HTT: variants seen among roughly 807,000 people sequenced by gnomAD.
HTT encodes huntingtin.
Under a neutral mutation model 362.3 loss-of-function variants are expected in HTT, and 104 were observed. The ratio of observed to expected loss-of-function variants is 0.29; its 90% confidence interval spans 0.24 to 0.34. The LOEUF (loss-of-function observed/expected upper bound fraction) is 0.34. HTT is among the 10% of genes least tolerant of loss of function. The pLI is 1.00. For synonymous variants in HTT, 1,577 were observed against 1,548.7 expected (o/e 1.02, Z -0.43); for missense variants, 3,301 against 3,928.6 (o/e 0.84, Z 4.27).
intron 40 of HTT, among the ~76,000 whole-genome samples, chr4:3,192,515 A>G (rs1719057715): frequency 6.6e-6 from 1 of 152,194 alleles, no homozygotes; most frequent in Non-Finnish European, 1.5e-5. Context: ...ATGGGTGACC[A>G]TAAACCCCTG....
At chr4:3,165,489 A>G (rs1000101527) in intron 29 of HTT, among the ~76,000 whole-genome samples, 1 of 152,070 alleles carries the variant, frequency 6.6e-6, no homozygotes, top group East Asian at 1.9e-4. Context: ...TCTCCTGGAT[A>G]ATATCCTGAA....
At chr4:3,190,395 G>C (rs528027636) in intron 40 of HTT, among the ~76,000 whole-genome samples, 2 of 150,202 alleles carry the variant, frequency 1.3e-5, no homozygotes, top group Admixed American at 1.3e-4. Flanking sequence ...TCCTCCTCCT[G>C]TGTTAAATTT....
At chr4:3,075,610 A>C (rs917259077) in intron 1 of HTT, among the ~76,000 whole-genome samples, 17 of 122,808 alleles carry the variant, frequency 1.4e-4, no homozygotes, top group African/African-American at 4.5e-4. Context: ...AGTGGATGAC[A>C]TAATGCTTTT....
intron 61 of HTT, among the ~76,000 whole-genome samples, chr4:3,234,888 A>G (rs979133874): frequency 3.9e-5 from 6 of 152,196 alleles, no homozygotes; most frequent in Admixed American, 2.0e-4. Context: ...CACAGAAGGC[A>G]GCACGTCATG....
intron 22 of HTT, among the ~76,000 whole-genome samples, chr4:3,141,339 G>A (rs558866498): frequency 1.3e-5 from 2 of 152,170 alleles, no homozygotes; most frequent in South Asian, 4.2e-4. Context: ...ACAAAACTTG[G>A]ACTAAATGAC....
At chr4:3,148,442 A>G (rs1048097546) in intron 26 of HTT, among the ~76,000 whole-genome samples, 3 of 152,110 alleles carry the variant, frequency 2.0e-5, no homozygotes, top group Admixed American at 1.3e-4. Flanking sequence ...ACTTGAGGCC[A>G]AGAGTTCGAG....
Position 3,074,917 on chromosome 4 carries a change from AGCAGCAGCAG to A in HTT, c.93_102del (p.Gln31HisfsTer67), listed in dbSNP as rs1560534955. The A allele has an allele frequency of 1.9e-4, 284 of 1,493,602 alleles. No homozygotes were observed. The African/African-American group carries it at 2.1e-3, about 11-fold the overall frequency. 92.5% of individuals were successfully genotyped at this position (1,493,602 alleles called of 1,614,324 possible). ...CAGCAGCAGCAGCAGCAGCAGCAGC[AGCAGCAGCAG>A]CAGCAGCAACAGCCGCCACCGCCGC... On this transcript the variant is annotated frameshift_variant, in exon 1 of 67. Coordinates refer to ENST00000355072, the MANE Select transcript of HTT (RefSeq NM_001388492.1). LOFTEE classifies it high-confidence loss of function.
At chr4:3,150,097 G>A (rs1716803231) in intron 26 of HTT, among the ~76,000 whole-genome samples, 1 of 152,134 alleles carries the variant, frequency 6.6e-6, no homozygotes, top group Non-Finnish European at 1.5e-5. Flanking sequence ...CTGCCCACCA[G>A]CACATGCTTT....
At chr4:3,104,986 A>G (rs1714352397) in intron 4 of HTT, among the ~76,000 whole-genome samples, 1 of 152,212 alleles carries the variant, frequency 6.6e-6, no homozygotes, top group African/African-American at 2.4e-5. Context: ...GTGCTGTCGA[A>G]TACCAGGTCT....
rs772429544 is a variant in HTT at position 3,074,945 on chromosome 4, ACCG to A, written c.141_143del (p.Pro49del). The stretch of plus-strand genomic sequence containing the variant: ...AGCAGCAGCAGCAGCAACAGCCGCC[ACCG>A]CCGCCGCCGCCGCCGCCGCCTCCTC... On this transcript the variant is annotated inframe_deletion, in exon 1 of 67. Coordinates refer to ENST00000355072, the MANE Select transcript of HTT (RefSeq NM_001388492.1). 1.9e-3 allele frequency: 2,323 copies of A among 1,206,818 alleles called. 56 individuals are homozygous for A. The African/African-American group carries it at 0.03, about 16-fold the overall frequency. The allele number at this position is 1,206,818 out of a possible 1,614,324, so 74.8% of individuals were successfully genotyped here. A position where few individuals can be genotyped will look rare whatever the true frequency, so the allele number is the denominator to read the frequency against.
intron 40 of HTT, among the ~76,000 whole-genome samples, chr4:3,197,263 A>G (rs929500506): frequency 5.9e-5 from 9 of 151,780 alleles, no homozygotes; most frequent in South Asian, 2.1e-4. Flanking sequence ...CTCATGGACA[A>G]CTTTCTCTTG....
chr4:3,225,560 A>G (rs2110291293), intron 56 of HTT, 101 bp from the exon 57 acceptor site: 1 of 1,023,790 alleles, frequency 9.8e-7, no homozygotes, highest in South Asian at 1.5e-5. Context: ...CAGGTGGCTC[A>G]CGGCTGGGTG....
chr4:3,142,334 CT>C (rs1039547308), intron 22 of HTT, among the ~76,000 whole-genome samples: 3 of 151,966 alleles, frequency 2.0e-5, no homozygotes, highest in Non-Finnish European at 4.4e-5. Flanking sequence ...TATTTTTTGC[CT>C]TTTTTCCATG....
intron 8 of HTT, 43 bp downstream of exon 8, chr4:3,116,306 T>A: frequency 6.7e-7 from 1 of 1,491,768 alleles, no homozygotes; most frequent in Non-Finnish European, 9.3e-7. Flanking sequence ...TGTGAATGAC[T>A]GACATTCAAA....
At chr4:3,127,085 G>A (rs1194560706) in intron 11 of HTT, among the ~76,000 whole-genome samples, 179 bp from the exon 12 acceptor site, 1 of 152,208 alleles carries the variant, frequency 6.6e-6, no homozygotes, top group Non-Finnish European at 1.5e-5. Flanking sequence ...TACTGTAGTG[G>A]GAGGCAGTGT....
At position 3,115,367 on chromosome 4, in the gene HTT, G is replaced by C. The variant is rs772714975; in HGVS notation, c.811G>C (p.Ala271Pro). Reference sequence around the variant, plus strand: ...CTCCCCCACCATTCGGCGGACAGCGGCTGGATCAGCAGTGAGCATCTGCCA... The same window carrying C: ...CTCCCCCACCATTCGGCGGACAGCGCCTGGATCAGCAGTGAGCATCTGCCA... ...SSSPTIRRTAAGSAVSICQHS... is the reference protein window; with the variant it reads ...SSSPTIRRTAPGSAVSICQHS... Residue 271 changes from alanine to proline, a missense_variant, in exon 7 of 67, where the codon GCT (alanine) becomes CCT (proline). By Grantham distance (27) the Ala-to-Pro change is conservative (BLOSUM62 -1). This residue lies in a region of HTT where 2,316 missense variants were observed against 2,658.5 expected (regional missense o/e 0.87). Transcript: ENST00000355072. 6.2e-7 allele frequency: 1 copy of C among 1,614,068 alleles called. No individual in the cohort carries two copies. Among genetic ancestry groups the C allele is most frequent in the Non-Finnish European group, 8.5e-7 (1 of 1,179,928 alleles).
At chr4:3,188,010 T>C (rs2110248721) in intron 39 of HTT, 124 bp downstream of exon 39, 2 of 629,772 alleles carry the variant, frequency 3.2e-6, no homozygotes, top group Admixed American at 2.8e-5. Context: ...TAAAGAAGTC[T>C]GTATCAGTGT....
At position 3,107,346 on chromosome 4, in the gene HTT, G is replaced by A; in HGVS notation, c.670G>A (p.Val224Ile). 6 of 1,614,204 alleles carry A rather than the reference G, an allele frequency of 3.7e-6. No individual in the cohort carries two copies. Among genetic ancestry groups the A allele is most frequent in the Non-Finnish European group, 5.1e-6 (6 of 1,180,016 alleles). ...AACAAGCAAGAGACCCGAAGAATCA[G>A]TCCAGGAGACCTTGGCTGCAGCTGT... ...TRTSKRPEES[V>I]QETLAAAVPK... Residue 224 changes from valine (V) to isoleucine (I), a missense_variant, in exon 6 of 67, where the codon GTC (valine) becomes ATC (isoleucine). Physicochemically the swap from Val to Ile is conservative, Grantham distance 29 (BLOSUM62 3). Transcript: ENST00000355072.
At chr4:3,238,685 G>T (rs144226926) in intron 65 of HTT, 76 bp downstream of exon 65, 8 of 1,492,468 alleles carry the variant, frequency 5.4e-6, no homozygotes, top group Middle Eastern at 1.8e-4. Context: ...CAGCAGATTC[G>T]CCAGCAGAGC....
Sources: gnomAD v4.1 joint callset for allele counts (sites outside exome capture counted in the v4.1 genomes callset) on GRCh38, gnomAD v4.1.1 for gene constraint, gnomAD v4.1.1 regional missense constraint, MANE v1.5 for transcripts, NCBI Gene and HGNC (gene_info 2026-07-23, HGNC 2026-07-21) for gene names.